Variants in SOX6 observed in about 807,000 individuals in gnomAD.
SOX6 encodes the protein SRY-box transcription factor 6, also known as transcription factor SOX-6.
SOX6 carries 11 observed loss-of-function variants against 97.8 expected under a neutral mutation model. The observed-to-expected ratio is 0.11, with a 90% CI of 0.07 to 0.19. SOX6 has a LOEUF of 0.19. Ranked by LOEUF, SOX6 falls within the 10% of genes least tolerant of loss-of-function variation. The pLI is 1.00. For synonymous variants in SOX6, 360 were observed against 371.4 expected, an observed-to-expected ratio of 0.97 and a Z score of 0.35; for missense variants, 810 against 1,039.5, an observed-to-expected ratio of 0.78 and a Z score of 3.04.
chr11:16,235,099 A>G (rs1273788086), intron 3 of SOX6, among the ~76,000 whole-genome samples: 1 of 152,024 alleles, frequency 6.6e-6, no homozygotes, highest in African/African-American at 2.4e-5. Flanking sequence ...TAATCAAGAG[A>G]GAAGAGCCCA....
chr11:16,647,542 A>G (rs1849032178), intron 3 of SOX6, among the ~76,000 whole-genome samples: 1 of 152,222 alleles, frequency 6.6e-6, no homozygotes, highest in Non-Finnish European at 1.5e-5. Flanking sequence ...CAAACAAAAC[A>G]GTGTGTGGAG....
intron 1 of SOX6, among the ~76,000 whole-genome samples, chr11:16,365,033 A>G (rs1005727024): frequency 6.6e-6 from 1 of 152,280 alleles, no homozygotes; most frequent in East Asian, 1.9e-4. Flanking sequence ...AAGTCCAAAA[A>G]TAGGTGAGTA....
chr11:16,554,177 A>C (rs1159358902), intron 4 of SOX6, among the ~76,000 whole-genome samples: 1 of 152,178 alleles, frequency 6.6e-6, no homozygotes, highest in African/African-American at 2.4e-5. Context: ...AATGAGCAGA[A>C]GGAAAAATTG....
At chr11:16,553,014 A>T (rs1847706957) in intron 4 of SOX6, among the ~76,000 whole-genome samples, 1 of 152,230 alleles carries the variant, frequency 6.6e-6, no homozygotes, top group African/African-American at 2.4e-5. Context: ...TATAAGTATT[A>T]CATTACATAA....
intron 3 of SOX6, among the ~76,000 whole-genome samples, chr11:16,239,424 C>G (rs1042501730): frequency 2.0e-5 from 3 of 151,974 alleles, no homozygotes; most frequent in Non-Finnish European, 4.4e-5. Flanking sequence ...GACAGAAAGA[C>G]AGCGGAGTGG....
chr11:16,222,316 G>A (rs1227115054), intron 4 of SOX6, among the ~76,000 whole-genome samples: 4 of 152,074 alleles, frequency 2.6e-5, no homozygotes, highest in Non-Finnish European at 4.4e-5. Context: ...GGGCTAAAAC[G>A]ATCTGCCTGC....
At chr11:16,660,888 T>C (rs921976328) in intron 3 of SOX6, among the ~76,000 whole-genome samples, 4 of 152,216 alleles carry the variant, frequency 2.6e-5, no homozygotes, top group African/African-American at 9.6e-5. Context: ...TAAATGTTTG[T>C]TGTTTAAAAG....
chr11:16,232,000 TG>T (rs1214861558), intron 4 of SOX6, among the ~76,000 whole-genome samples: 1 of 151,858 alleles, frequency 6.6e-6, no homozygotes, highest in Non-Finnish European at 1.5e-5. Context: ...ACTACCTTTT[TG>T]TTTTTTTGTA....
chr11:16,304,213 G>A (rs1194347008), intron 3 of SOX6, among the ~76,000 whole-genome samples: 1 of 152,094 alleles, frequency 6.6e-6, no homozygotes, highest in Admixed American at 6.6e-5. Flanking sequence ...ACTGTGCCTG[G>A]CCAAGTTTTG....
chr11:16,388,619 T>C (rs944828688), intron 1 of SOX6, among the ~76,000 whole-genome samples: 1 of 152,116 alleles, frequency 6.6e-6, no homozygotes, highest in Non-Finnish European at 1.5e-5. Flanking sequence ...TCTAAGAAAT[T>C]TGTTTGTTTC....
chr11:16,223,142 G>C (rs1337812937), intron 4 of SOX6, among the ~76,000 whole-genome samples: 1 of 151,916 alleles, frequency 6.6e-6, no homozygotes, highest in Non-Finnish European at 1.5e-5. Flanking sequence ...GTTTTTCTCT[G>C]ACATTTTTAA....
intron 4 of SOX6, among the ~76,000 whole-genome samples, chr11:16,591,252 T>C (rs946465952): frequency 2.0e-5 from 3 of 151,990 alleles, no homozygotes; most frequent in African/African-American, 4.8e-5. Flanking sequence ...TGCTGAACTT[T>C]CATGTGATGA....
intron 4 of SOX6, among the ~76,000 whole-genome samples, chr11:16,609,802 A>G (rs1311758741): frequency 1.3e-5 from 2 of 152,184 alleles, no homozygotes; most frequent in Admixed American, 6.5e-5. Context: ...AGGAAATACA[A>G]TGCTTGAAGA....
intron 4 of SOX6, among the ~76,000 whole-genome samples, chr11:16,496,420 T>C (rs1012686426): frequency 2.0e-5 from 3 of 152,038 alleles, no homozygotes; most frequent in Non-Finnish European, 4.4e-5. Context: ...ATTTCTGCAT[T>C]TCCAACTGAG....
At chr11:16,469,646 T>C (rs1436456614) in intron 1 of SOX6, among the ~76,000 whole-genome samples, 2 of 151,844 alleles carry the variant, frequency 1.3e-5, no homozygotes, top group Non-Finnish European at 2.9e-5. Flanking sequence ...CAATAAAGAG[T>C]AGCATTTTTG....
intron 4 of SOX6, among the ~76,000 whole-genome samples, chr11:16,588,988 C>T (rs974582650): frequency 1.3e-5 from 2 of 152,178 alleles, no homozygotes; most frequent in African/African-American, 4.8e-5. Context: ...CGTGCCACTG[C>T]ACTCCAGCCT....
At chr11:16,004,133 A>T (rs1854484065) in intron 13 of SOX6, among the ~76,000 whole-genome samples, 1 of 152,016 alleles carries the variant, frequency 6.6e-6, no homozygotes, top group African/African-American at 2.4e-5. Flanking sequence ...TATAAAATAG[A>T]TAAAACACGC....
At chr11:16,546,372 A>G (rs1246164916) in intron 4 of SOX6, among the ~76,000 whole-genome samples, 2 of 152,222 alleles carry the variant, frequency 1.3e-5, no homozygotes, top group African/African-American at 4.8e-5. Context: ...TTAGAAGTCA[A>G]TAGTAACCAA....
At chr11:16,132,405 GA>G (rs1248010884) in intron 6 of SOX6, among the ~76,000 whole-genome samples, 6 of 47,606 alleles carry the variant, frequency 1.3e-4, no homozygotes, top group East Asian at 7.8e-4. Context: ...AAAGAAAAAA[GA>G]AAGAAAGAAA....
Sources: gnomAD v4.1 joint callset for allele counts (sites outside exome capture counted in the v4.1 genomes callset) on GRCh38, gnomAD v4.1.1 for gene constraint, MANE v1.5 for transcripts, NCBI Gene and HGNC (gene_info 2026-07-23, HGNC 2026-07-21) for gene names.